Variants in CAST observed in about 807,000 individuals in gnomAD.
The protein encoded by CAST is MIR583 host.
In CAST, 76 loss-of-function variants were observed where a neutral mutation model predicts 119.6. The observed-to-expected ratio is 0.64, with a 90% confidence interval of 0.53 to 0.77. The LOEUF is 0.77. Ranked by LOEUF, CAST falls within the 30% of genes least tolerant of loss-of-function variation. The probability of loss-of-function intolerance (pLI) is 0.00; values close to 1 mark genes in which losing one functional copy is unlikely to be tolerated. For synonymous variants in CAST, 319 were observed against 331.6 expected (o/e 0.96, Z 0.41); for missense variants, 953 against 946.5 (o/e 1.01, Z -0.09).
the CAST span, among the ~76,000 whole-genome samples, chr5:96,102,460 G>A: frequency 6.6e-6 from 1 of 152,096 alleles, no homozygotes; most frequent in Non-Finnish European, 1.5e-5. Flanking sequence ...GCACAGGATG[G>A]GGGGCAATAC....
chr5:96,547,521 C>T (rs545569229), intron 1 of CAST, among the ~76,000 whole-genome samples: 40 of 152,344 alleles, frequency 2.6e-4, no homozygotes, highest in African/African-American at 8.9e-4. Flanking sequence ...TTCACTAACA[C>T]TGGTGTCGAC....
the CAST span, among the ~76,000 whole-genome samples, chr5:96,479,937 A>C: frequency 1.3e-5 from 2 of 152,174 alleles, no homozygotes; most frequent in Non-Finnish European, 2.9e-5. Context: ...AGATCCTCTA[A>C]GTTGAGGGAA....
chr5:96,583,944 T>G (rs1746808644), intron 1 of CAST, among the ~76,000 whole-genome samples: 1 of 152,200 alleles, frequency 6.6e-6, no homozygotes, highest in Admixed American at 6.5e-5. Context: ...GTACCCTTTC[T>G]TCCATGGTGT....
chr5:96,601,936 C>G (rs1428213164), intron 1 of CAST, among the ~76,000 whole-genome samples: 6 of 152,194 alleles, frequency 3.9e-5, no homozygotes, highest in Non-Finnish European at 5.9e-5. Context: ...AAAACTGCAG[C>G]AAAGGATCCA....
the CAST span, among the ~76,000 whole-genome samples, chr5:96,168,712 A>C: frequency 1.7e-4 from 26 of 152,186 alleles, no homozygotes; most frequent in Admixed American, 3.9e-4. Flanking sequence ...CAGGTGGATT[A>C]GAGAGATACA....
the CAST span, among the ~76,000 whole-genome samples, chr5:96,241,391 C>T: frequency 1.3e-5 from 2 of 151,884 alleles, no homozygotes; most frequent in African/African-American, 4.8e-5. Context: ...AGGACGTGAA[C>T]TCATCAATTT....
At chr5:96,538,658 A>G (rs983549176) in intron 1 of CAST, among the ~76,000 whole-genome samples, 1 of 140,122 alleles carries the variant, frequency 7.1e-6, no homozygotes, top group African/African-American at 2.6e-5. Context: ...TTGTTTTGCA[A>G]CATCTGTTTT....
chr5:95,962,650 T>C, the CAST span, among the ~76,000 whole-genome samples: 1 of 152,084 alleles, frequency 6.6e-6, no homozygotes, highest in South Asian at 2.1e-4. Context: ...TAATAGAGAA[T>C]TGAGCTTCGA....
the CAST span, among the ~76,000 whole-genome samples, chr5:96,083,781 C>G: frequency 6.6e-6 from 1 of 152,176 alleles, no homozygotes; most frequent in Non-Finnish European, 1.5e-5. Flanking sequence ...ACCCTGTCAG[C>G]TGCTGCAGAT....
chr5:96,022,711 TAGTTTA>T, the CAST span, among the ~76,000 whole-genome samples: 1 of 152,024 alleles, frequency 6.6e-6, no homozygotes, highest in Non-Finnish European at 1.5e-5. Flanking sequence ...CAAAGAGACT[TAGTTTA>T]AAGAATTGAC....
the CAST span, among the ~76,000 whole-genome samples, chr5:96,191,361 C>A: frequency 6.6e-6 from 1 of 152,186 alleles, no homozygotes; most frequent in Non-Finnish European, 1.5e-5. Context: ...AAGTACTTTA[C>A]ATATATTAAT....
At chr5:96,562,000 G>C (rs1746381221) in intron 1 of CAST, among the ~76,000 whole-genome samples, 1 of 150,310 alleles carries the variant, frequency 6.7e-6, no homozygotes, top group Non-Finnish European at 1.5e-5. Context: ...CACCGTGTTA[G>C]CCAGGATGGT....
intron 1 of CAST, among the ~76,000 whole-genome samples, chr5:96,565,125 G>C (rs1746444516): frequency 6.9e-6 from 1 of 144,258 alleles, no homozygotes; most frequent in Admixed American, 6.9e-5. Context: ...GAGTGGACAA[G>C]TCTTTTTAAG....
At chr5:96,525,842 A>G (rs1171226826), upstream of CAST, among the ~76,000 whole-genome samples, 2 of 152,230 alleles carry the variant, frequency 1.3e-5, no homozygotes, top group Non-Finnish European at 2.9e-5. Context: ...TTGTCTTCCA[A>G]AGGTGGATAA....
chr5:96,189,704 T>G, the CAST span, among the ~76,000 whole-genome samples: 1 of 152,214 alleles, frequency 6.6e-6, no homozygotes, highest in Non-Finnish European at 1.5e-5. Context: ...TTCCATGTTC[T>G]GAGACACTTT....
upstream of CAST, among the ~76,000 whole-genome samples, chr5:96,657,865 G>A (rs1281944067): frequency 6.6e-6 from 1 of 152,142 alleles, no homozygotes; most frequent in Non-Finnish European, 1.5e-5. Context: ...GGGAGGCCGA[G>A]GCGAGTGGAT....
chr5:96,069,371 G>C, the CAST span, among the ~76,000 whole-genome samples: 1 of 111,660 alleles, frequency 9.0e-6, no homozygotes, highest in Non-Finnish European at 2.0e-5. Flanking sequence ...GTGTGTGTGT[G>C]TGTGTGTGTG....
At chr5:96,244,606 A>G in the CAST span, among the ~76,000 whole-genome samples, 1 of 152,192 alleles carries the variant, frequency 6.6e-6, no homozygotes, top group South Asian at 2.1e-4. Flanking sequence ...TGTAAATAAT[A>G]TTTACCCCAT....
At chr5:96,619,857 G>T (rs1245678887) in intron 1 of CAST, among the ~76,000 whole-genome samples, 2 of 152,224 alleles carry the variant, frequency 1.3e-5, no homozygotes, top group African/African-American at 2.4e-5. Context: ...AAACTCCTCA[G>T]TCTTAGGCAA....
Sources: allele counts gnomAD v4.1 joint callset (sites outside exome capture counted in the v4.1 genomes callset), GRCh38; gene constraint gnomAD v4.1.1; transcripts MANE v1.5; gene names NCBI Gene and HGNC (gene_info 2026-07-23, HGNC 2026-07-21).